Variants in ANKS1B observed in about 807,000 individuals in gnomAD.
The protein encoded by ANKS1B is ankyrin repeat and sterile alpha motif domain-containing protein 1B.
ANKS1B carries 36 observed loss-of-function variants against 148.3 expected under a neutral mutation model. The ratio of observed to expected loss-of-function variants is 0.24; its 90% confidence interval spans 0.19 to 0.32. The LOEUF is 0.32. Among genes scored for constraint, ANKS1B ranks in the 10% least tolerant of loss-of-function variants. The pLI is 1.00. For missense variants in ANKS1B, 1,157 were observed against 1,542.6 expected, an observed-to-expected ratio of 0.75 and a Z score of 4.19; for synonymous variants, 542 against 560.8, an observed-to-expected ratio of 0.97 and a Z score of 0.47.
intron 8 of ANKS1B, among the ~76,000 whole-genome samples, chr12:99,744,665 G>T (rs2060421192): frequency 6.6e-6 from 1 of 152,136 alleles, no homozygotes. Flanking sequence ...ACCTGCAAAT[G>T]GAAAAGGCGT....
chr12:99,261,764 A>G (rs568858521), intron 12 of ANKS1B, among the ~76,000 whole-genome samples: 121 of 152,232 alleles, frequency 7.9e-4, no homozygotes, highest in Middle Eastern at 6.8e-3. Flanking sequence ...TTCTCAACAT[A>G]GAAGTCAGAG....
At chr12:99,002,051 T>C (rs1448561728) in intron 17 of ANKS1B, among the ~76,000 whole-genome samples, 2 of 152,362 alleles carry the variant, frequency 1.3e-5, no homozygotes, top group East Asian at 3.9e-4. Flanking sequence ...CATTCACCTG[T>C]GATGGACACT....
chr12:99,291,636 T>C (rs768519228), intron 12 of ANKS1B, among the ~76,000 whole-genome samples: 4 of 151,676 alleles, frequency 2.6e-5, no homozygotes, highest in Admixed American at 1.3e-4. Flanking sequence ...AGAAAACACA[T>C]TGGGGAAAGG....
At chr12:99,531,220 G>A (rs1408315105) in intron 9 of ANKS1B, among the ~76,000 whole-genome samples, 1 of 152,124 alleles carries the variant, frequency 6.6e-6, no homozygotes, top group African/African-American at 2.4e-5. Flanking sequence ...TAGCTTTTCA[G>A]GACTGCATTT....
At position 99,815,831 on chromosome 12, in the gene ANKS1B, T is replaced by C. The variant is rs533351689; in HGVS notation, c.216-3520A>G. ...CCACAAAAGACATTATTTCCTTCTT[T>C]TTATGGCTGAGTAGTATTCCATGGT... On this transcript the variant is annotated intron_variant, in intron 2 of 26. Transcript: ENST00000683438. 7.2e-5 allele frequency among the ~76,000 whole-genome samples: 11 copies of C among 151,992 alleles called. 1 individual carries two copies. In the East Asian group the frequency reaches 2.1e-3, roughly 29 times the overall value.
chr12:99,796,555 T>A lies in ANKS1B; in HGVS notation c.669+9849A>T, dbSNP rs1321202662. On this transcript the variant is annotated intron_variant, in intron 4 of 26. Coordinates refer to ENST00000683438, the MANE Select transcript of ANKS1B (RefSeq NM_001352186.2). ...TTTAGTATCTCTGAAAATTCATATA[T>A]CCTATGAGAAACATATTAAAAACCT... is the stretch of plus-strand genomic sequence containing the variant. Among the ~76,000 whole-genome samples, 5 of 151,806 alleles carry A rather than the reference T, an allele frequency of 3.3e-5. No individual in the cohort carries two copies. In the East Asian group the frequency reaches 9.7e-4, roughly 29 times the overall value.
intron 1 of ANKS1B, among the ~76,000 whole-genome samples, chr12:99,925,866 T>C (rs967523329): frequency 2.0e-5 from 3 of 152,254 alleles, no homozygotes; most frequent in East Asian, 1.9e-4. Flanking sequence ...TAATTTTTCA[T>C]ATACTGAAAC....
chr12:98,817,254 A>C (rs1275372579), intron 19 of ANKS1B, among the ~76,000 whole-genome samples: 1 of 152,248 alleles, frequency 6.6e-6, no homozygotes, highest in Non-Finnish European at 1.5e-5. Context: ...CCAGCAAAGG[A>C]AGCCTTAGCC....
At chr12:99,463,403 G>C (rs921217829) in intron 10 of ANKS1B, among the ~76,000 whole-genome samples, 5 of 152,190 alleles carry the variant, frequency 3.3e-5, no homozygotes, top group Non-Finnish European at 5.9e-5. Flanking sequence ...CTGAGGTACC[G>C]GGTTCATCTC....
At chr12:99,504,220 T>A (rs1253559879) in intron 10 of ANKS1B, among the ~76,000 whole-genome samples, 1 of 152,096 alleles carries the variant, frequency 6.6e-6, no homozygotes, top group Non-Finnish European at 1.5e-5. Context: ...GTTTTTTCAG[T>A]ATTAAAAGGT....
Position 99,825,310 on chromosome 12 carries a change from T to A in ANKS1B, c.214A>T (p.Lys72Ter). ...ALHHAALNGH[K>*]DIVLKLLQYE... ...TCCGTCCAAATAAGTGGCACTTACT[T>A]ATGTCCATTTAAGGCTGCGTGGTGT... The change falls in exon 2 of 27, where the codon AAG becomes TAG. Residue 72 changes from lysine to a stop codon, truncating the protein, a stop_gained and splice_region_variant. Coordinates refer to ENST00000683438, the MANE Select transcript of ANKS1B (RefSeq NM_001352186.2). LOFTEE classifies it high-confidence loss of function. 1 of 1,611,824 alleles carries A rather than the reference T, an allele frequency of 6.2e-7. No homozygotes were observed. Among genetic ancestry groups the A allele is most frequent in the Non-Finnish European group, 8.5e-7 (1 of 1,178,796 alleles).
At chr12:99,847,470 C>G (rs181190722) in intron 1 of ANKS1B, among the ~76,000 whole-genome samples, 1 of 152,238 alleles carries the variant, frequency 6.6e-6, no homozygotes, top group African/African-American at 2.4e-5. Context: ...GTCATAAGAC[C>G]CTCATTCTAG....
At chr12:98,994,698 CCTCT>C (rs985656945) in intron 17 of ANKS1B, among the ~76,000 whole-genome samples, 8 of 152,084 alleles carry the variant, frequency 5.3e-5, no homozygotes, top group African/African-American at 1.9e-4. Flanking sequence ...GCTTCTAAAG[CCTCT>C]CTCCTTGGTT....
intron 2 of ANKS1B, among the ~76,000 whole-genome samples, chr12:99,816,063 GT>G (rs1237236476): frequency 1.3e-5 from 2 of 151,812 alleles, no homozygotes; most frequent in Non-Finnish European, 2.9e-5. Context: ...TCTCCATACT[GT>G]TTTCTATAGC....
In ANKS1B at chr12:99,033,386, G is replaced by A. The variant is rs116150772; in HGVS notation, c.2778+19771C>T. Among the ~76,000 whole-genome samples, 323 of 152,362 alleles carry A rather than the reference G, an allele frequency of 2.1e-3. 1 individual carries two copies. The highest frequency in any genetic ancestry group is 7.6e-3 in the African/African-American group (314 of 41,576). On this transcript the variant is annotated intron_variant, in intron 17 of 26. Transcript: ENST00000683438. Reference sequence around the variant, plus strand: ...AGGTTTATAATTTAGTAGTCATGGTGTATAATATTTTGTGTAATGTGCCAT... The same window carrying A: ...AGGTTTATAATTTAGTAGTCATGGTATATAATATTTTGTGTAATGTGCCAT...
intron 9 of ANKS1B, among the ~76,000 whole-genome samples, chr12:99,598,052 T>C (rs1004109687): frequency 2.0e-5 from 3 of 152,058 alleles, no homozygotes; most frequent in African/African-American, 7.2e-5. Flanking sequence ...CTTAAGGCCC[T>C]ACCAAGAAGT....
At chr12:99,603,053 A>G (rs560400274) in intron 9 of ANKS1B, among the ~76,000 whole-genome samples, 1 of 151,948 alleles carries the variant, frequency 6.6e-6, no homozygotes, top group East Asian at 1.9e-4. Flanking sequence ...TTTATTGACC[A>G]TTTTCTTTGA....
At chr12:99,154,629 T>G in intron 14 of ANKS1B, 1 of 1,449,798 alleles carries the variant, frequency 6.9e-7, no homozygotes, top group Non-Finnish European at 9.1e-7. Flanking sequence ...TCCACATTTC[T>G]TACATATTAA....
At chr12:99,210,549 T>C (rs1443250891) in intron 14 of ANKS1B, among the ~76,000 whole-genome samples, 2 of 152,174 alleles carry the variant, frequency 1.3e-5, no homozygotes, top group African/African-American at 4.8e-5. Context: ...CCTAATGCAA[T>C]TGCTGTTCAA....
Sources: allele counts gnomAD v4.1 joint callset (sites outside exome capture counted in the v4.1 genomes callset), GRCh38; gene constraint gnomAD v4.1.1; transcripts MANE v1.5; gene names NCBI Gene and HGNC (gene_info 2026-07-23, HGNC 2026-07-21).